The following ATP10B variants were observed in gnomAD, a reference collection of about 807,000 sequenced individuals.
ATP10B encodes the protein phospholipid-transporting ATPase VB.
In ATP10B, 122 loss-of-function variants were observed where a neutral mutation model predicts 141.2. The ratio of observed to expected loss-of-function variants is 0.86; its 90% CI spans 0.75 to 1.00. The LOEUF (loss-of-function observed/expected upper bound fraction) is 1.00. Among genes scored for constraint, ATP10B ranks in the 50% least tolerant of loss-of-function variants. The probability of loss-of-function intolerance (pLI) is 0.00; values close to 1 mark genes in which losing one functional copy is unlikely to be tolerated. For synonymous variants in ATP10B, 685 were observed against 692.0 expected, an observed-to-expected ratio of 0.99 and a Z score of 0.16; for missense variants, 1,876 against 1,825.3, an observed-to-expected ratio of 1.03 and a Z score of -0.51.
chr5:160,766,012 G>A (rs12513569), intron 2 of ATP10B, among the ~76,000 whole-genome samples: 2,091 of 151,932 alleles, frequency 0.014, 19 homozygotes, highest in Admixed American at 0.029. Context: ...GTGATACCTC[G>A]TTACCCCGGA....
chr5:160,670,769 G>T (rs1762640364), intron 6 of ATP10B, 102 bp from the exon 7 acceptor site: 2 of 1,016,764 alleles, frequency 2.0e-6, no homozygotes, highest in African/African-American at 3.2e-5. Flanking sequence ...TATCCACCAA[G>T]TCAGCCTGTC....
At chr5:160,818,770 C>T (rs1439728330) in intron 1 of ATP10B, among the ~76,000 whole-genome samples, 1 of 152,148 alleles carries the variant, frequency 6.6e-6, no homozygotes, top group Non-Finnish European at 1.5e-5. Context: ...CAATGATAGA[C>T]TGGATTAAGA....
intron 18 of ATP10B, chr5:160,611,796 G>C (rs776052842): frequency 5.3e-5 from 8 of 151,956 alleles, no homozygotes; most frequent in Non-Finnish European, 1.0e-4. Context: ...GTATGTCCTC[G>C]GTGTAGGTGC....
At chr5:160,654,368 C>T (rs753427107) in intron 7 of ATP10B, among the ~76,000 whole-genome samples, 23 of 152,046 alleles carry the variant, frequency 1.5e-4, no homozygotes, top group Non-Finnish European at 3.1e-4. Context: ...GGAAGCAGCT[C>T]GCCTAACTGG....
chr5:160,773,851 T>C (rs986941097), intron 2 of ATP10B, among the ~76,000 whole-genome samples: 30 of 152,162 alleles, frequency 2.0e-4, no homozygotes, highest in African/African-American at 6.5e-4. Context: ...TCCTAGCTCC[T>C]TTGATCACAG....
chr5:160,681,292 C>G (rs865800810), intron 6 of ATP10B, among the ~76,000 whole-genome samples: 7 of 152,322 alleles, frequency 4.6e-5, no homozygotes, highest in African/African-American at 1.7e-4. Flanking sequence ...CTTCCTCAGT[C>G]CATCTCACAG....
intron 22 of ATP10B, among the ~76,000 whole-genome samples, chr5:160,598,132 CA>C (rs1756843996): frequency 6.7e-6 from 1 of 150,168 alleles, no homozygotes; most frequent in African/African-American, 2.5e-5. Flanking sequence ...GACTTGGAAC[CA>C]ACCCAAATGT....
the ATP10B span, among the ~76,000 whole-genome samples, chr5:160,892,362 G>A: frequency 1.3e-5 from 2 of 152,266 alleles, no homozygotes; most frequent in African/African-American, 2.4e-5. Flanking sequence ...GCTGATGAAC[G>A]GCCTTGAACT....
intron 8 of ATP10B, among the ~76,000 whole-genome samples, chr5:160,647,416 T>C (rs1274066881): frequency 6.6e-6 from 1 of 152,116 alleles, no homozygotes; most frequent in Non-Finnish European, 1.5e-5. Flanking sequence ...TTAGGACTCA[T>C]CCATGAGGCC....
At chr5:160,842,167 C>A (rs1775848497) in intron 1 of ATP10B, among the ~76,000 whole-genome samples, 1 of 152,106 alleles carries the variant, frequency 6.6e-6, no homozygotes, top group Admixed American at 6.5e-5. Flanking sequence ...AATAAGTAAC[C>A]AAAGGATAAC....
intron 24 of ATP10B, among the ~76,000 whole-genome samples, chr5:160,573,461 A>C (rs1182314192): frequency 6.6e-6 from 1 of 152,224 alleles, no homozygotes; most frequent in East Asian, 1.9e-4. Flanking sequence ...AGGGGTCCCC[A>C]GCTCCTGGGC....
chr5:160,685,526 CT>C (rs1331833681), intron 6 of ATP10B: 1 of 254,940 alleles, frequency 3.9e-6, no homozygotes, highest in East Asian at 7.4e-5. Context: ...TAAAACCTAC[CT>C]GGTTCTAAAA....
In ATP10B at chr5:160,830,970, A is replaced by C. The variant is rs998104451; in HGVS notation, c.-576+20971T>G. On this transcript the variant is annotated intron_variant, in intron 1 of 25. Transcript: ENST00000327245. ...TCTCTCTCTCTCTCATACATACACA[A>C]ACACACACACACACACACACACACA... Among the ~76,000 whole-genome samples the C allele has an allele frequency of 8.5e-3, 598 of 70,662 alleles. 3 individuals carry two copies. Among genetic ancestry groups the C allele is most frequent in the African/African-American group, 0.023 (557 of 24,596 alleles). The allele number at this position is 70,662 out of a possible 152,430, so 46.4% of individuals were successfully genotyped here. A position where few individuals can be genotyped will look rare whatever the true frequency, so the allele number is the denominator to read the frequency against.
intron 24 of ATP10B, 90 bp from the exon 25 acceptor site, chr5:160,569,773 C>T: frequency 8.9e-7 from 1 of 1,121,160 alleles, no homozygotes. Context: ...TTGTTTCAAA[C>T]TATTTTTGAA....
the ATP10B span, among the ~76,000 whole-genome samples, chr5:160,916,791 T>A: frequency 6.6e-6 from 1 of 152,208 alleles, no homozygotes; most frequent in Non-Finnish European, 1.5e-5. Flanking sequence ...TTCCCCTGAT[T>A]ACAGCTGAGG....
chr5:160,715,641 C>G (rs1262387557), intron 3 of ATP10B, among the ~76,000 whole-genome samples: 2 of 152,104 alleles, frequency 1.3e-5, no homozygotes, highest in Non-Finnish European at 2.9e-5. Flanking sequence ...GCTCCTCCCA[C>G]TCTCATAAAC....
intron 20 of ATP10B, chr5:160,603,395 G>A (rs1757207023): frequency 6.5e-6 from 1 of 154,870 alleles, no homozygotes; most frequent in South Asian, 2.0e-4. Context: ...CAGGTCGCAT[G>A]TGGCCCAGGA....
chr5:160,716,426 G>C (rs1765665708), intron 3 of ATP10B, among the ~76,000 whole-genome samples: 1 of 152,130 alleles, frequency 6.6e-6, no homozygotes, highest in African/African-American at 2.4e-5. Context: ...GTAAGAAGCA[G>C]GGAAGTTTAA....
At chr5:160,815,878 A>G (rs1448043372) in intron 1 of ATP10B, among the ~76,000 whole-genome samples, 1 of 152,222 alleles carries the variant, frequency 6.6e-6, no homozygotes, top group African/African-American at 2.4e-5. Context: ...CCACTCAACT[A>G]CATCGAAACT....
Sources: allele counts gnomAD v4.1 joint callset (sites outside exome capture counted in the v4.1 genomes callset), GRCh38; gene constraint gnomAD v4.1.1; transcripts MANE v1.5; gene names NCBI Gene and HGNC (gene_info 2026-07-23, HGNC 2026-07-21).